Variants in CREB5 observed in about 807,000 individuals in gnomAD.
CREB5 encodes cAMP responsive element binding protein 5, also known as cyclic AMP-responsive element-binding protein 5.
In CREB5, 19 loss-of-function variants were observed where a neutral mutation model predicts 57.1. The observed-to-expected ratio is 0.33, with a 90% CI of 0.23 to 0.49. The LOEUF is 0.49. Ranked by LOEUF, CREB5 falls within the 20% of genes least tolerant of loss-of-function variation. CREB5 has a pLI of 0.99. For missense variants in CREB5, 579 were observed against 671.6 expected (o/e 0.86, Z 1.52); for synonymous variants, 238 against 238.3 (o/e 1.00, Z 0.01).
intron 1 of CREB5, among the ~76,000 whole-genome samples, chr7:28,368,989 T>C (rs1347098173): frequency 1.3e-5 from 2 of 152,206 alleles, no homozygotes; most frequent in African/African-American, 4.8e-5. Context: ...AAGGCTACAG[T>C]GAGCTGGGTT....
chr7:28,560,887 C>CGT (rs1175327761), intron 4 of CREB5, among the ~76,000 whole-genome samples: 1 of 13,122 alleles, frequency 7.6e-5, no homozygotes, highest in Non-Finnish European at 1.3e-4. Context: ...TGCGTGCGTG[C>CGT]GTGTGTGTGC....
chr7:28,447,540 A>C (rs1266830849), intron 1 of CREB5, among the ~76,000 whole-genome samples: 1 of 152,160 alleles, frequency 6.6e-6, no homozygotes, highest in African/African-American at 2.4e-5. Context: ...AGCCATGCTG[A>C]GCTGGAGAGA....
intron 5 of CREB5, among the ~76,000 whole-genome samples, chr7:28,634,815 A>C (rs1798347693): frequency 6.6e-6 from 1 of 152,098 alleles, no homozygotes; most frequent in African/African-American, 2.4e-5. Flanking sequence ...GGCTTCTTTT[A>C]ATTGTATGTT....
At chr7:28,353,534 G>A (rs945331602) in intron 1 of CREB5, among the ~76,000 whole-genome samples, 2 of 152,120 alleles carry the variant, frequency 1.3e-5, no homozygotes, top group Non-Finnish European at 2.9e-5. Context: ...TCAGGGAAAG[G>A]AAGCAGCATA....
chr7:28,317,446 C>T (rs562929987), intron 1 of CREB5, among the ~76,000 whole-genome samples: 1 of 152,320 alleles, frequency 6.6e-6, no homozygotes, highest in East Asian at 1.9e-4. Context: ...GAGGCATCTT[C>T]CTAATAGCCT....
intron 2 of CREB5, chr7:28,491,197 T>C (rs1583531122): frequency 1.0e-6 from 1 of 985,408 alleles, no homozygotes; most frequent in East Asian, 1.1e-4. Context: ...GGAAACAGTT[T>C]TTTTAAAAAT....
chr7:28,730,354 AT>A (rs34752067), intron 7 of CREB5, among the ~76,000 whole-genome samples: 58 of 147,040 alleles, frequency 3.9e-4, no homozygotes, highest in Admixed American at 6.1e-4. Flanking sequence ...CACCCAGATA[AT>A]TTTTTTTTTT....
At chr7:28,621,511 C>A (rs1017968983) in intron 5 of CREB5, among the ~76,000 whole-genome samples, 1 of 152,160 alleles carries the variant, frequency 6.6e-6, no homozygotes, top group African/African-American at 2.4e-5. Context: ...AGTGGTGTCA[C>A]CTTCTGAACA....
chr7:28,565,882 T>C (rs1795451885), intron 4 of CREB5, among the ~76,000 whole-genome samples: 1 of 152,202 alleles, frequency 6.6e-6, no homozygotes, highest in African/African-American at 2.4e-5. Flanking sequence ...GACTGCGTCA[T>C]TGTACTCCAG....
At chr7:28,488,365 A>C in intron 2 of CREB5, 119 bp downstream of exon 2, 1 of 745,014 alleles carries the variant, frequency 1.3e-6, no homozygotes, top group Non-Finnish European at 2.3e-6. Flanking sequence ...ACACCACCAA[A>C]GTCCCCCTCC....
chr7:28,586,583 G>A (rs1324319520), intron 5 of CREB5, among the ~76,000 whole-genome samples: 3 of 152,238 alleles, frequency 2.0e-5, no homozygotes, highest in East Asian at 3.9e-4. Flanking sequence ...TTATAAGGGC[G>A]AAGAAAAGAG....
chr7:28,741,456 G>A (rs756657381), intron 7 of CREB5, among the ~76,000 whole-genome samples: 76 of 152,052 alleles, frequency 5.0e-4, no homozygotes, highest in Non-Finnish European at 7.5e-4. Context: ...AGAAAGAAAG[G>A]AAACACATCT....
chr7:28,641,918 A>G (rs1798674961), intron 5 of CREB5, among the ~76,000 whole-genome samples: 1 of 152,218 alleles, frequency 6.6e-6, no homozygotes, highest in African/African-American at 2.4e-5. Flanking sequence ...GGTCAAAAGA[A>G]AAGGCACGTG....
rs1479467214 is a variant in CREB5, at chr7:28,363,319, C to T, written c.-25+63878C>T. Among the ~76,000 whole-genome samples, 3 of 152,056 alleles carry T rather than the reference C, an allele frequency of 2.0e-5. No individual in the cohort carries two copies. The East Asian group carries it at 5.8e-4, about 29-fold the overall frequency. On this transcript the variant is annotated intron_variant, in intron 1 of 9. Transcript: ENST00000396299. ...AGCACATAATTTTCCTTTGATCGGG[C>T]TAAATGCAAGCAAAGGAAATTGGCT... is the stretch of plus-strand genomic sequence containing the variant.
At chr7:28,702,672 A>C (rs925030195) in intron 5 of CREB5, among the ~76,000 whole-genome samples, 3 of 152,240 alleles carry the variant, frequency 2.0e-5, no homozygotes, top group Non-Finnish European at 1.5e-5. Flanking sequence ...ATTTGAGACT[A>C]ATCACAGAGA....
rs116169280 is a variant in CREB5, at chr7:28,354,068, A to G, written c.-25+54627A>G. The stretch of plus-strand genomic sequence containing the variant: ...AGAAGAGGGACTTGATCAGAATAAA[A>G]TTTAGGCACGATCCTTCTGCCAGCA... On this transcript the variant is annotated intron_variant, in intron 1 of 9. Coordinates refer to the CREB5 transcript ENST00000396299. 2.0e-3 allele frequency among the ~76,000 whole-genome samples: 299 copies of G among 152,314 alleles called. 2 individuals carry two copies. The highest frequency in any genetic ancestry group is 7.0e-3 in the African/African-American group (293 of 41,568).
intron 1 of CREB5, among the ~76,000 whole-genome samples, chr7:28,329,999 C>T (rs568587322): frequency 6.6e-6 from 1 of 152,370 alleles, no homozygotes; most frequent in African/African-American, 2.4e-5. Flanking sequence ...TTCATCCACT[C>T]TGGCAGCAGC....
chr7:28,322,007 A>G (rs1211058948), intron 1 of CREB5, among the ~76,000 whole-genome samples: 2 of 152,232 alleles, frequency 1.3e-5, no homozygotes, highest in Non-Finnish European at 2.9e-5. Context: ...TAGTGAGACG[A>G]ACACAAATTA....
intron 5 of CREB5, among the ~76,000 whole-genome samples, chr7:28,586,086 C>G (rs886607218): frequency 1.3e-5 from 2 of 152,056 alleles, no homozygotes; most frequent in Non-Finnish European, 2.9e-5. Context: ...CATCTTGATT[C>G]CCTTACTATT....
Sources: allele counts gnomAD v4.1 joint callset (sites outside exome capture counted in the v4.1 genomes callset), GRCh38; gene constraint gnomAD v4.1.1; transcripts MANE v1.5; gene names NCBI Gene and HGNC (gene_info 2026-07-23, HGNC 2026-07-21).